PPP2R2C: variants seen among roughly 807,000 people sequenced by gnomAD.
PPP2R2C encodes protein phosphatase 2, regulatory subunit B, gamma.
A neutral mutation model predicts 45.3 loss-of-function variants in PPP2R2C; 10 were observed. That is an observed-to-expected ratio of 0.22 (90% CI 0.14 to 0.37). The LOEUF is 0.37. Among genes scored for constraint, PPP2R2C ranks in the 10% least tolerant of loss-of-function variants. The pLI is 1.00. For synonymous variants in PPP2R2C, 257 were observed against 245.4 expected (o/e 1.05, Z -0.44); for missense variants, 308 against 619.7 (o/e 0.50, Z 5.34).
intron 2 of PPP2R2C, among the ~76,000 whole-genome samples, chr4:6,531,651 A>G (rs940207752): frequency 5.3e-5 from 8 of 151,640 alleles, no homozygotes; most frequent in Admixed American, 5.3e-4. Flanking sequence ...CTGTTTGCAG[A>G]GCAGGTGCTC....
chr4:6,358,898 G>T (rs1577104823), intron 5 of PPP2R2C, among the ~76,000 whole-genome samples: 1 of 152,332 alleles, frequency 6.6e-6, no homozygotes, highest in East Asian at 1.9e-4. Context: ...CTGTTGGTGG[G>T]ACTATAAACT....
chr4:6,383,549 A>G, intron 1 of PPP2R2C: 1 of 733,154 alleles, frequency 1.4e-6, no homozygotes, highest in Non-Finnish European at 2.0e-6. Context: ...GGGTACCAGC[A>G]TGGCTCCTTC....
At position 6,378,355 on chromosome 4, in the gene PPP2R2C, T is replaced by C; in HGVS notation, c.334+52A>G. 1 of 1,610,436 alleles carries C rather than the reference T, an allele frequency of 6.2e-7. No homozygotes were observed. Among genetic ancestry groups the C allele is most frequent in the South Asian group, 1.1e-5 (1 of 90,616 alleles). On this transcript the variant is annotated intron_variant, in intron 3 of 8. Transcript: ENST00000382599. This position sits in a 1 kb window ranked among gnomAD's most constrained non-coding sequence, Gnocchi z 5.2. ...AAGTGAAATACAAACCAGCATTTGGTAGAAACATCTACGGCCTGTGCCCAT... is the reference window on the plus strand; with the variant it reads ...AAGTGAAATACAAACCAGCATTTGGCAGAAACATCTACGGCCTGTGCCCAT...
At chr4:6,489,860 G>A (rs11946417) in intron 2 of PPP2R2C, among the ~76,000 whole-genome samples, 4,118 of 152,120 alleles carry the variant, frequency 0.027, 177 homozygotes, top group African/African-American at 0.094. Context: ...CACTATTTTC[G>A]AACTTAATAC....
chr4:6,485,567 G>A (rs1316334719), intron 2 of PPP2R2C, among the ~76,000 whole-genome samples: 3 of 151,818 alleles, frequency 2.0e-5, no homozygotes, highest in African/African-American at 4.8e-5. Context: ...GACTACTCAG[G>A]ATATCTATTT....
chr4:6,480,378 A>G (rs991367995), intron 2 of PPP2R2C, among the ~76,000 whole-genome samples: 4 of 152,196 alleles, frequency 2.6e-5, no homozygotes, highest in African/African-American at 9.7e-5. Context: ...CTGATCATGC[A>G]TATCTTTTCC....
chr4:6,541,855 A>C (rs892469521), intron 1 of PPP2R2C, among the ~76,000 whole-genome samples: 2 of 152,162 alleles, frequency 1.3e-5, no homozygotes, highest in Non-Finnish European at 2.9e-5. Flanking sequence ...TAACTTTAAA[A>C]AAAGGGAGGA....
chr4:6,545,632 G>C (rs1444881004), intron 1 of PPP2R2C, among the ~76,000 whole-genome samples: 1 of 152,210 alleles, frequency 6.6e-6, no homozygotes, highest in African/African-American at 2.4e-5. Context: ...ACCAGTGGCT[G>C]CACCTCTCTG....
intron 1 of PPP2R2C, among the ~76,000 whole-genome samples, chr4:6,433,406 G>C (rs938021617): frequency 6.6e-6 from 1 of 152,192 alleles, no homozygotes; most frequent in Non-Finnish European, 1.5e-5. Context: ...CCTACACTTG[G>C]TATTGTAAGA....
At chr4:6,360,257 G>C (rs1264077049) in intron 5 of PPP2R2C, among the ~76,000 whole-genome samples, 1 of 152,252 alleles carries the variant, frequency 6.6e-6, no homozygotes, top group African/African-American at 2.4e-5. Flanking sequence ...CTTCCAGTCA[G>C]CGTTCCTCCC....
chr4:6,540,844 C>G (rs1404253283), intron 1 of PPP2R2C, among the ~76,000 whole-genome samples: 1 of 152,198 alleles, frequency 6.6e-6, no homozygotes, highest in East Asian at 1.9e-4. Context: ...CAGTTAGGAG[C>G]TGTGTTAGAA....
At chr4:6,513,587 C>A (rs1341806792) in intron 2 of PPP2R2C, among the ~76,000 whole-genome samples, 2 of 152,220 alleles carry the variant, frequency 1.3e-5, no homozygotes, top group Non-Finnish European at 2.9e-5. Flanking sequence ...TGTGCAGCTC[C>A]CTGATGAGCT....
intron 1 of PPP2R2C, chr4:6,382,445 C>T (rs901828387): frequency 6.7e-6 from 9 of 1,352,060 alleles, no homozygotes; most frequent in South Asian, 2.3e-5. Flanking sequence ...TGGCGGCCAA[C>T]GTGATGACCA....
intron 1 of PPP2R2C, among the ~76,000 whole-genome samples, chr4:6,409,601 G>A (rs1436729171): frequency 2.0e-5 from 3 of 152,106 alleles, no homozygotes; most frequent in South Asian, 2.1e-4. Context: ...AAGTGCCATC[G>A]TCACTGGCCA....
In PPP2R2C at chr4:6,378,060, T is replaced by C. The variant is rs1715479325; in HGVS notation, c.334+347A>G. ...CTGCATCCTTGTCCATCACACTCCC[T>C]CACCCCAAAGCAAAGGCCTACAAAG... On this transcript the variant is annotated intron_variant, in intron 3 of 8. Transcript: ENST00000382599. The surrounding 1 kb of genome is among the most constrained non-coding windows in gnomAD (Gnocchi z 5.2). 6.6e-6 allele frequency among the ~76,000 whole-genome samples: 1 copy of C among 152,072 alleles called. No individual in the cohort carries two copies. The highest frequency in any genetic ancestry group is 2.1e-4 in the South Asian group (1 of 4,820).
chr4:6,409,053 C>T (rs1024409759), intron 1 of PPP2R2C, among the ~76,000 whole-genome samples: 1 of 152,000 alleles, frequency 6.6e-6, no homozygotes, highest in Admixed American at 6.6e-5. Flanking sequence ...AAGGACCATG[C>T]TGGAATTAAA....
At chr4:6,323,673 C>A in intron 8 of PPP2R2C, 80 bp from the exon 9 acceptor site, 7 of 1,372,128 alleles carry the variant, frequency 5.1e-6, no homozygotes, top group Non-Finnish European at 6.7e-6. Flanking sequence ...TGGGGGCTCA[C>A]GCCCATAATC....
At chr4:6,531,376 A>G (rs1724392252) in intron 2 of PPP2R2C, among the ~76,000 whole-genome samples, 1 of 152,202 alleles carries the variant, frequency 6.6e-6, no homozygotes, top group Non-Finnish European at 1.5e-5. Context: ...TGTCCAGAGC[A>G]AAAGGCCGAG....
At chr4:6,502,110 G>A (rs1297007978) in intron 2 of PPP2R2C, among the ~76,000 whole-genome samples, 2 of 152,316 alleles carry the variant, frequency 1.3e-5, no homozygotes, top group South Asian at 2.1e-4. Flanking sequence ...GTTTCTAGGG[G>A]ATGAGGACGA....
Sources: allele counts gnomAD v4.1 joint callset (sites outside exome capture counted in the v4.1 genomes callset), GRCh38; gene constraint gnomAD v4.1.1; non-coding constraint Gnocchi (gnomAD v3.1); transcripts MANE v1.5; gene names NCBI Gene and HGNC (gene_info 2026-07-23, HGNC 2026-07-21).